Variants in CCNB1IP1 observed in about 807,000 individuals in gnomAD.
The protein encoded by CCNB1IP1 is cyclin B1 interacting protein 1, also known as E3 ubiquitin-protein ligase CCNB1IP1.
Under a neutral mutation model 25.6 loss-of-function variants are expected in CCNB1IP1, and 14 were observed. The ratio of observed to expected loss-of-function variants is 0.55; its 90% CI spans 0.36 to 0.85. The LOEUF (loss-of-function observed/expected upper bound fraction) is 0.85. CCNB1IP1 is among the 40% of genes least tolerant of loss of function. The probability of loss-of-function intolerance (pLI) is 0.01; values close to 1 mark genes in which losing one functional copy is unlikely to be tolerated. For synonymous variants in CCNB1IP1, 119 were observed against 116.1 expected, an observed-to-expected ratio of 1.02 and a Z score of -0.16; for missense variants, 278 against 342.4, an observed-to-expected ratio of 0.81 and a Z score of 1.48.
Position 20,313,458 on chromosome 14 carries a change from C to A in CCNB1IP1, c.631+10G>T. On this transcript the variant is annotated intron_variant, in intron 6 of 6. Transcript: ENST00000358932. ...TAAAGAACAGACACTTGATACATGTCCTTTCTTACCTAATGGGAAGCCAAG... is the reference window on the plus strand; with the variant it reads ...TAAAGAACAGACACTTGATACATGTACTTTCTTACCTAATGGGAAGCCAAG... 6.4e-7 allele frequency: 1 copy of A among 1,559,194 alleles called. No homozygotes were observed. The highest frequency in any genetic ancestry group is 8.7e-7 in the Non-Finnish European group (1 of 1,152,310).
intron 1 of CCNB1IP1, among the ~76,000 whole-genome samples, chr14:20,330,009 T>A (rs761230529): frequency 9.9e-5 from 15 of 152,062 alleles, no homozygotes; most frequent in Admixed American, 8.5e-4. Flanking sequence ...AGTTAAATGT[T>A]TAATATGTTA....
intron 3 of CCNB1IP1, chr14:20,326,387 G>T: frequency 2.1e-6 from 1 of 487,050 alleles, no homozygotes; most frequent in Admixed American, 2.3e-5. Flanking sequence ...TGGGATTACA[G>T]ACTAAATCCC....
intron 1 of CCNB1IP1, chr14:20,332,792 A>T (rs879833819): frequency 6.6e-6 from 1 of 152,294 alleles, no homozygotes; most frequent in Admixed American, 6.5e-5. Context: ...AAGACAAGGT[A>T]CGCTGCAGCT....
At chr14:20,321,966 C>G (rs1027901703) in intron 4 of CCNB1IP1, among the ~76,000 whole-genome samples, 1 of 152,142 alleles carries the variant, frequency 6.6e-6, no homozygotes, top group Non-Finnish European at 1.5e-5. Context: ...TTAGTCAAAA[C>G]AATTGAGAAT....
chr14:20,328,324 G>A (rs1410196180), intron 2 of CCNB1IP1, among the ~76,000 whole-genome samples: 1 of 152,272 alleles, frequency 6.6e-6, no homozygotes, highest in East Asian at 1.9e-4. Flanking sequence ...AAAATGTAAT[G>A]CAGTGACATG....
rs967895357 is a variant in CCNB1IP1 at position 20,313,757 on chromosome 14, A to G, written c.342T>C (p.Ala114=). The change falls in exon 6 of 7, where the codon GCT becomes GCC. Residue 114 remains alanine (A), a synonymous_variant. Coordinates refer to ENST00000358932, the MANE Select transcript of CCNB1IP1 (RefSeq NM_021178.5). ...TCTCCATCTGTTTCAGATGGCCCTC[A>G]GCCTTGCTGAAATTGTATTCTTGAT... ...RLYQEYNFSK[A]EGHLKQMEKI... is the part of the protein sequence containing the mutation. 5.6e-6 allele frequency: 9 copies of G among 1,599,290 alleles called. No individual in the cohort carries two copies. The African/African-American group carries it at 9.5e-5, about 17-fold the overall frequency.
At chr14:20,315,656 G>A in intron 5 of CCNB1IP1, 1 of 1,274,094 alleles carries the variant, frequency 7.8e-7, no homozygotes, top group African/African-American at 1.5e-5. Flanking sequence ...AGTTAAGGAT[G>A]CGTATTTGAT....
At chr14:20,320,520 G>C (rs1373810815) in intron 4 of CCNB1IP1, 7 of 329,242 alleles carry the variant, frequency 2.1e-5, no homozygotes, top group African/African-American at 1.5e-4. Context: ...CAACCACAAA[G>C]ACAAAACTAC....
At chr14:20,313,050 T>A (rs1475727315) in intron 6 of CCNB1IP1, among the ~76,000 whole-genome samples, 1 of 152,176 alleles carries the variant, frequency 6.6e-6, no homozygotes, top group Non-Finnish European at 1.5e-5. Context: ...TACTTAACTT[T>A]CTGTGCCTCA....
chr14:20,312,488 C>G (rs1441639748), intron 6 of CCNB1IP1, among the ~76,000 whole-genome samples: 1 of 151,638 alleles, frequency 6.6e-6, no homozygotes, highest in Non-Finnish European at 1.5e-5. Flanking sequence ...AGTGCTGGGC[C>G]GCACCTGACC....
chr14:20,326,001 ATC>A (rs1392379744), intron 3 of CCNB1IP1, among the ~76,000 whole-genome samples: 36 of 152,192 alleles, frequency 2.4e-4, no homozygotes, highest in African/African-American at 6.3e-4. Context: ...GCTCTATATA[ATC>A]TGTTTTTCAT....
At position 20,311,449 on chromosome 14, in the gene CCNB1IP1, A is replaced by G; in HGVS notation, c.*101T>C. 2.1e-6 allele frequency: 2 copies of G among 954,844 alleles called. No individual in the cohort carries two copies. The highest frequency in any genetic ancestry group is 3.7e-5 in the Admixed American group (2 of 53,354). The allele number at this position is 954,844 out of a possible 1,614,324, so 59.1% of individuals were successfully genotyped here. Reference sequence around the variant, plus strand: ...GCCCAGGCTGGAGTGCAGTGGCATGATCTTAGATCACTAAAGCCTCAGACT... The same window carrying G: ...GCCCAGGCTGGAGTGCAGTGGCATGGTCTTAGATCACTAAAGCCTCAGACT... On this transcript the variant is annotated 3_prime_UTR_variant, in exon 7 of 7. Transcript: ENST00000358932.
chr14:20,326,848 C>G (rs982841616), intron 2 of CCNB1IP1, 55 bp from the exon 3 acceptor site: 1 of 229,796 alleles, frequency 4.4e-6, no homozygotes, highest in South Asian at 5.4e-5. Flanking sequence ...TACATGACAA[C>G]TCACACCAGC....
Position 20,313,740 on chromosome 14 carries a change from TG to T in CCNB1IP1, c.358del (p.Gln120ArgfsTer15). ...TTGCTGAGTATATATCTTCTCCATC[TG>T]TTTCAGATGGCCCTCAGCCTTGCTG... Reference protein sequence around the residue: ...NFSKAEGHLKQMEKIYTQQIQ... With the variant: ...NFSKAEGHLKXMEKIYTQQIQ... On this transcript the variant is annotated frameshift_variant, in exon 6 of 7. Transcript: ENST00000358932. LOFTEE classifies it high-confidence loss of function. 6.2e-7 allele frequency: 1 copy of T among 1,612,260 alleles called. No homozygotes were observed.
intron 1 of CCNB1IP1, among the ~76,000 whole-genome samples, chr14:20,329,938 C>A (rs2138876850): frequency 6.6e-6 from 1 of 152,206 alleles, no homozygotes; most frequent in South Asian, 2.1e-4. Context: ...ATACTACATA[C>A]CTCTTAAAAC....
chr14:20,326,645 G>C (rs920702403), intron 3 of CCNB1IP1, 71 bp downstream of exon 3: 6 of 379,884 alleles, frequency 1.6e-5, no homozygotes, highest in South Asian at 1.2e-4. Flanking sequence ...TAATAACACC[G>C]AGTCCCAAGT....
intron 1 of CCNB1IP1, among the ~76,000 whole-genome samples, chr14:20,331,571 A>G (rs964618832): frequency 9.9e-5 from 15 of 152,202 alleles, no homozygotes; most frequent in Non-Finnish European, 2.2e-4. Flanking sequence ...CTGATTTACA[A>G]GGTTATTCAT....
rs1555314509 is a variant in CCNB1IP1, at chr14:20,332,005, C to CATATAT, written c.-431+1243_-431+1248dup. On this transcript the variant is annotated intron_variant, in intron 1 of 6. Transcript: ENST00000358932. The stretch of plus-strand genomic sequence containing the variant: ...AATATATATATATATGATGTGTATA[C>CATATAT]ATATATATATATATATATATATTTT... 3.7e-3 allele frequency among the ~76,000 whole-genome samples: 245 copies of CATATAT among 66,554 alleles called. 13 individuals carry two copies. The highest frequency in any genetic ancestry group is 0.016 in the African/African-American group (191 of 12,232). The allele number at this position is 66,554 out of a possible 152,430, so 43.7% of individuals were successfully genotyped here. A position where few individuals can be genotyped will look rare whatever the true frequency, so the allele number is the denominator to read the frequency against.
At chr14:20,326,416 C>T (rs765736947) in intron 3 of CCNB1IP1, 2 of 517,862 alleles carry the variant, frequency 3.9e-6, no homozygotes. Context: ...TTCCAACAAG[C>T]AGAATTCAAT....
Sources: gnomAD v4.1 joint callset for allele counts (sites outside exome capture counted in the v4.1 genomes callset) on GRCh38, gnomAD v4.1.1 for gene constraint, MANE v1.5 for transcripts, NCBI Gene and HGNC (gene_info 2026-07-23, HGNC 2026-07-21) for gene names.